PCDH15: variants seen among roughly 807,000 people sequenced by gnomAD.
PCDH15 encodes the protein protocadherin related 15.
A neutral mutation model predicts 178.5 loss-of-function variants in PCDH15; 129 were observed. That is an observed-to-expected ratio of 0.72 (90% CI 0.63 to 0.84). The LOEUF (loss-of-function observed/expected upper bound fraction) is 0.84. Ranked by LOEUF, PCDH15 falls within the 40% of genes least tolerant of loss-of-function variation. The pLI is 0.00. For synonymous variants in PCDH15, 800 were observed against 732.0 expected (o/e 1.09, Z -1.50); for missense variants, 2,230 against 2,099.9 (o/e 1.06, Z -1.21).
chr10:55,222,016 G>A (rs1376313885), intron 1 of PCDH15, among the ~76,000 whole-genome samples: 5 of 150,104 alleles, frequency 3.3e-5, no homozygotes, highest in African/African-American at 4.9e-5. Context: ...ACAGGCACCC[G>A]CCACCACACC....
rs189350421 is a variant in PCDH15 at position 54,422,848 on chromosome 10, T to G, written c.158-43906A>C. Reference sequence around the variant, plus strand: ...TCCAGTTCTGAAAATTCTGAGCATGTGCTAATAGCCTATAATATAATCAAA... The same window carrying G: ...TCCAGTTCTGAAAATTCTGAGCATGGGCTAATAGCCTATAATATAATCAAA... On this transcript the variant is annotated intron_variant, in intron 3 of 37. Transcript: ENST00000644397. 4.1e-4 allele frequency among the ~76,000 whole-genome samples: 62 copies of G among 152,304 alleles called. 1 individual carries two copies. The highest frequency in any genetic ancestry group is 1.3e-3 in the African/African-American group (52 of 41,576).
At chr10:54,100,359 C>G (rs560580096) in intron 15 of PCDH15, among the ~76,000 whole-genome samples, 1 of 142,722 alleles carries the variant, frequency 7.0e-6, no homozygotes, top group Non-Finnish European at 1.5e-5. Context: ...AGCAAGACTC[C>G]GTCTCAAAAA....
At chr10:54,548,845 C>T (rs2086191774) in intron 2 of PCDH15, among the ~76,000 whole-genome samples, 1 of 151,050 alleles carries the variant, frequency 6.6e-6, no homozygotes, top group African/African-American at 2.4e-5. Context: ...TTCCATAAAA[C>T]TTTTTGAGCC....
At chr10:55,302,104 A>G (rs559214137) in intron 1 of PCDH15, among the ~76,000 whole-genome samples, 1 of 152,258 alleles carries the variant, frequency 6.6e-6, no homozygotes, top group African/African-American at 2.4e-5. Flanking sequence ...ATTATTGTCT[A>G]AAATTTGATA....
intron 18 of PCDH15, among the ~76,000 whole-genome samples, chr10:54,065,781 C>CA (rs1286379151): frequency 1.3e-5 from 2 of 152,156 alleles, no homozygotes; most frequent in African/African-American, 4.8e-5. Flanking sequence ...TTCAACTGGT[C>CA]AATCAAAATC....
At chr10:54,942,694 CA>C (rs1171678820) in intron 2 of PCDH15, among the ~76,000 whole-genome samples, 1 of 151,984 alleles carries the variant, frequency 6.6e-6, no homozygotes, top group Non-Finnish European at 1.5e-5. Flanking sequence ...CTTACCTTTA[CA>C]ACTTCCTTAT....
At chr10:55,567,062 G>T (rs1427809026) in intron 2 of PCDH15, among the ~76,000 whole-genome samples, 1 of 152,048 alleles carries the variant, frequency 6.6e-6, no homozygotes, top group Middle Eastern at 3.4e-3. Context: ...AAACATTGTG[G>T]TACTGGCATA....
chr10:54,037,860 C>T (rs2093453449), intron 18 of PCDH15, among the ~76,000 whole-genome samples: 1 of 152,010 alleles, frequency 6.6e-6, no homozygotes, highest in Non-Finnish European at 1.5e-5. Context: ...TTACGTCTAA[C>T]ATGACAAGTG....
chr10:54,189,919 ATGTGTATGTG>A (rs1372281677), intron 11 of PCDH15, among the ~76,000 whole-genome samples: 2,950 of 108,800 alleles, frequency 0.027, 90 homozygotes, highest in African/African-American at 0.075. Flanking sequence ...GTATACATGC[ATGTGTATGTG>A]TGTGTGTGTG....
intron 2 of PCDH15, among the ~76,000 whole-genome samples, chr10:55,383,349 G>A (rs1159722134): frequency 6.6e-6 from 1 of 152,058 alleles, no homozygotes; most frequent in Non-Finnish European, 1.5e-5. Context: ...TCTGTCAATG[G>A]AGTTTGGGGT....
intron 14 of PCDH15, among the ~76,000 whole-genome samples, chr10:54,152,116 T>C (rs2044600296): frequency 6.6e-6 from 1 of 152,206 alleles, no homozygotes; most frequent in African/African-American, 2.4e-5. Flanking sequence ...GAAAGAACTA[T>C]GGCTGCATTA....
At chr10:54,287,892 G>T (rs2059134483) in intron 8 of PCDH15, among the ~76,000 whole-genome samples, 1 of 152,210 alleles carries the variant, frequency 6.6e-6, no homozygotes, top group South Asian at 2.1e-4. Context: ...GTTAGAGATG[G>T]ACTCTGGACG....
At chr10:55,107,594 C>A (rs548153215) in intron 2 of PCDH15, among the ~76,000 whole-genome samples, 2 of 147,294 alleles carry the variant, frequency 1.4e-5, no homozygotes, top group East Asian at 4.1e-4. Context: ...TGGGTTCAAG[C>A]GATTCTACTG....
At chr10:54,672,436 T>C (rs2135519662) in intron 1 of PCDH15, among the ~76,000 whole-genome samples, 1 of 152,242 alleles carries the variant, frequency 6.6e-6, no homozygotes, top group Admixed American at 6.5e-5. Flanking sequence ...GATATCACTT[T>C]ATTGTTTCAA....
At chr10:54,421,369 G>C (rs910515110) in intron 3 of PCDH15, among the ~76,000 whole-genome samples, 6 of 151,182 alleles carry the variant, frequency 4.0e-5, no homozygotes, top group African/African-American at 1.5e-4. Context: ...ATCCTGGCTG[G>C]AGTTTGCATC....
intron 2 of PCDH15, among the ~76,000 whole-genome samples, chr10:55,384,217 T>C (rs971144694): frequency 6.6e-6 from 1 of 152,104 alleles, no homozygotes; most frequent in African/African-American, 2.4e-5. Flanking sequence ...AGTTGCAATA[T>C]TGTTTTGAGG....
At chr10:54,573,996 G>C (rs2090168389) in intron 2 of PCDH15, among the ~76,000 whole-genome samples, 2 of 152,166 alleles carry the variant, frequency 1.3e-5, no homozygotes, top group Non-Finnish European at 2.9e-5. Context: ...TCTGATGGTA[G>C]TTTCTTTTGC....
intron 1 of PCDH15, among the ~76,000 whole-genome samples, chr10:54,694,605 TTTATTA>T (rs535870732): frequency 3.9e-5 from 6 of 151,950 alleles, no homozygotes; most frequent in African/African-American, 1.4e-4. Context: ...TATTTCAAAC[TTTATTA>T]TTATTATTAT....
chr10:54,376,441 C>T (rs1948445729), intron 4 of PCDH15, among the ~76,000 whole-genome samples: 1 of 150,494 alleles, frequency 6.6e-6, no homozygotes, highest in African/African-American at 2.4e-5. Context: ...TATATATTTA[C>T]ATATATGAAT....
Sources: allele counts gnomAD v4.1 joint callset (sites outside exome capture counted in the v4.1 genomes callset), GRCh38; gene constraint gnomAD v4.1.1; transcripts MANE v1.5; gene names NCBI Gene and HGNC (gene_info 2026-07-23, HGNC 2026-07-21).